Variants in STX18 observed in about 807,000 individuals in gnomAD.
STX18 encodes syntaxin 18, also known as syntaxin-18.
Under a neutral mutation model 50.1 loss-of-function variants are expected in STX18, and 40 were observed. The ratio of observed to expected loss-of-function variants is 0.80; its 90% confidence interval spans 0.62 to 1.04. The LOEUF (loss-of-function observed/expected upper bound fraction) is 1.04. Ranked by LOEUF, STX18 falls within the 50% of genes least tolerant of loss-of-function variation. STX18 has a pLI of 0.00. For missense variants in STX18, 410 were observed against 415.8 expected, an observed-to-expected ratio of 0.99 and a Z score of 0.12; for synonymous variants, 158 against 151.8, an observed-to-expected ratio of 1.04 and a Z score of -0.30.
intron 1 of STX18, among the ~76,000 whole-genome samples, chr4:4,511,868 G>T (rs750307701): frequency 6.6e-6 from 1 of 151,802 alleles, no homozygotes; most frequent in East Asian, 1.9e-4. Flanking sequence ...TGAAGGATGG[G>T]TTAAAGTTCA....
intron 3 of STX18, among the ~76,000 whole-genome samples, chr4:4,457,841 C>G (rs963257888): frequency 2.6e-5 from 4 of 152,222 alleles, no homozygotes; most frequent in African/African-American, 9.6e-5. Context: ...GTTTAAACAA[C>G]TGAAATCACA....
At position 4,513,591 on chromosome 4, in the gene STX18, C is replaced by T. The variant is rs150362846; in HGVS notation, c.168+28206G>A. Among the ~76,000 whole-genome samples the T allele has an allele frequency of 7.5e-4, 114 of 152,302 alleles. No individual in the cohort carries two copies. In the East Asian group the frequency reaches 0.017, roughly 23 times the overall value. ...CCGGTGAGCAACATACTCAAATAGA[C>T]ACTACTGTTTTCAAAAGTAGATTAT... On this transcript the variant is annotated intron_variant, in intron 1 of 10. Coordinates refer to ENST00000306200, the MANE Select transcript of STX18 (RefSeq NM_016930.4).
intron 1 of STX18, among the ~76,000 whole-genome samples, chr4:4,509,518 C>T (rs1729897524): frequency 6.6e-6 from 1 of 151,884 alleles, no homozygotes; most frequent in Non-Finnish European, 1.5e-5. Context: ...AAAAGGCTGT[C>T]TTGTAACAAA....
chr4:4,500,467 G>C (rs1729396556), intron 1 of STX18, among the ~76,000 whole-genome samples: 1 of 152,102 alleles, frequency 6.6e-6, no homozygotes, highest in Non-Finnish European at 1.5e-5. Flanking sequence ...AAGTAATCCA[G>C]AGAAATAAAC....
intron 9 of STX18, among the ~76,000 whole-genome samples, chr4:4,422,599 A>AG (rs1204927602): frequency 1.3e-5 from 2 of 151,650 alleles, no homozygotes; most frequent in Non-Finnish European, 1.5e-5. Context: ...AGAAAAAAAA[A>AG]GAAAAGAAAA....
At chr4:4,491,099 C>T (rs1728919405) in intron 1 of STX18, among the ~76,000 whole-genome samples, 1 of 149,580 alleles carries the variant, frequency 6.7e-6, no homozygotes, top group South Asian at 2.1e-4. Context: ...ACGCATTCAA[C>T]TTAATTTTCT....
chr4:4,532,603 T>A (rs936799543), intron 1 of STX18, among the ~76,000 whole-genome samples: 14 of 152,082 alleles, frequency 9.2e-5, no homozygotes, highest in African/African-American at 3.4e-4. Context: ...CATGCAACCA[T>A]CTCATTGAAA....
intron 1 of STX18, among the ~76,000 whole-genome samples, chr4:4,474,391 G>C (rs1728071093): frequency 1.3e-5 from 2 of 152,198 alleles, no homozygotes; most frequent in Admixed American, 1.3e-4. Context: ...TGAATAAATA[G>C]TGGGTACTGA....
chr4:4,526,665 T>C (rs1002519346), intron 1 of STX18, among the ~76,000 whole-genome samples: 6 of 152,124 alleles, frequency 3.9e-5, no homozygotes, highest in Non-Finnish European at 7.4e-5. Context: ...TACCAAGTAA[T>C]GAATATTTGA....
rs561114137 is a variant in STX18 at position 4,491,221 on chromosome 4, G to C, written c.169-19515C>G. Among the ~76,000 whole-genome samples the C allele has an allele frequency of 5.9e-5, 9 of 151,650 alleles. No individual in the cohort carries two copies. The East Asian group carries it at 1.7e-3, about 29-fold the overall frequency. ...CCGGATCAGGCATGTTTTAAACTAC[G>C]AGCACGTCTAGCCTCAACAGCATTC... On this transcript the variant is annotated intron_variant, in intron 1 of 10. Transcript: ENST00000306200.
chr4:4,493,799 A>G (rs1163398493), intron 1 of STX18, among the ~76,000 whole-genome samples: 2 of 152,224 alleles, frequency 1.3e-5, no homozygotes, highest in Non-Finnish European at 2.9e-5. Flanking sequence ...TAGGTGTTCT[A>G]CTAGAAATGT....
At chr4:4,475,681 C>A (rs570100771) in intron 1 of STX18, among the ~76,000 whole-genome samples, 1 of 152,320 alleles carries the variant, frequency 6.6e-6, no homozygotes, top group African/African-American at 2.4e-5. Context: ...TCCTATTTTT[C>A]AGAATAAACT....
chr4:4,477,684 T>C (rs1728256986), intron 1 of STX18, among the ~76,000 whole-genome samples: 1 of 152,182 alleles, frequency 6.6e-6, no homozygotes, highest in South Asian at 2.1e-4. Context: ...CTTGAGTTCT[T>C]AACTGCCAAA....
intron 5 of STX18, among the ~76,000 whole-genome samples, chr4:4,447,464 G>T (rs562185394): frequency 6.6e-6 from 1 of 150,906 alleles, no homozygotes; most frequent in Non-Finnish European, 1.5e-5. Flanking sequence ...GGTAGCGGGC[G>T]CCTGTAGTCC....
chr4:4,535,788 C>CAAAG, intron 1 of STX18, among the ~76,000 whole-genome samples: 1 of 152,202 alleles, frequency 6.6e-6, no homozygotes, highest in African/African-American at 2.4e-5. Context: ...CCTGTCCTTC[C>CAAAG]TGCCTCTCAT....
rs1725088092 is a variant in STX18 at position 4,423,706 on chromosome 4, CTG to C, written c.762-121_762-120del. 3.1e-6 allele frequency: 3 copies of C among 973,366 alleles called. No homozygotes were observed. The Middle Eastern group carries it at 7.0e-4, about 227-fold the overall frequency. 60.3% of individuals were successfully genotyped at this position (973,366 alleles called of 1,614,324 possible). A position where few individuals can be genotyped will look rare whatever the true frequency, so the allele number is the denominator to read the frequency against. On this transcript the variant is annotated intron_variant, in intron 8 of 10. Coordinates refer to ENST00000306200, the MANE Select transcript of STX18 (RefSeq NM_016930.4). ...GAAGGTGGGAGAGACAGGGGGCACA[CTG>C]TGTCGGCTGGGGGAAGAGGAGATGG...
intron 1 of STX18, among the ~76,000 whole-genome samples, chr4:4,517,676 C>G (rs1224558796): frequency 6.6e-6 from 1 of 152,028 alleles, no homozygotes; most frequent in South Asian, 2.1e-4. Flanking sequence ...TTTTAAAAAC[C>G]ACTAATTTCA....
At chr4:4,457,106 A>G in intron 5 of STX18, 85 bp downstream of exon 5, 1 of 1,280,292 alleles carries the variant, frequency 7.8e-7, no homozygotes. Flanking sequence ...GGTACATTGC[A>G]TAGGGTAAGT....
intron 1 of STX18, among the ~76,000 whole-genome samples, chr4:4,484,256 T>C (rs1398422247): frequency 6.6e-6 from 1 of 152,156 alleles, no homozygotes; most frequent in Non-Finnish European, 1.5e-5. Flanking sequence ...CCAAATAAAA[T>C]ACAGTTTCCA....
Sources: allele counts gnomAD v4.1 joint callset (sites outside exome capture counted in the v4.1 genomes callset), GRCh38; gene constraint gnomAD v4.1.1; transcripts MANE v1.5; gene names NCBI Gene and HGNC (gene_info 2026-07-23, HGNC 2026-07-21).